TMEM132B: variants seen among roughly 807,000 people sequenced by gnomAD.
The protein encoded by TMEM132B is transmembrane protein 132B.
Under a neutral mutation model 90.8 loss-of-function variants are expected in TMEM132B, and 18 were observed. The observed-to-expected ratio is 0.20, with a 90% CI of 0.14 to 0.29. The LOEUF is 0.29. Among genes scored for constraint, TMEM132B ranks in the 10% least tolerant of loss-of-function variants. The pLI is 1.00. For missense variants in TMEM132B, 1,096 were observed against 1,326.8 expected, an observed-to-expected ratio of 0.83 and a Z score of 2.70; for synonymous variants, 504 against 523.3, an observed-to-expected ratio of 0.96 and a Z score of 0.50.
chr12:125,366,859 A>C (rs772171334), intron 2 of TMEM132B, among the ~76,000 whole-genome samples: 1 of 152,036 alleles, frequency 6.6e-6, no homozygotes, highest in African/African-American at 2.4e-5. Context: ...CATTTTCTTC[A>C]GTCTTTTTTC....
At position 125,636,616 on chromosome 12, in the gene TMEM132B, G is replaced by A. The variant is rs78213620; in HGVS notation, c.1438-7460G>A. Among the ~76,000 whole-genome samples, 792 of 152,216 alleles carry A rather than the reference G, an allele frequency of 5.2e-3. 6 individuals are homozygous for A. The highest frequency in any genetic ancestry group is 0.017 in the African/African-American group (709 of 41,532). ...AGCATGTATTCTCATCCCTCCCTCC[G>A]GGTAGAGCTTTCTGTTTCCTTCCCT... On this transcript the variant is annotated intron_variant, in intron 5 of 8. Transcript: ENST00000682704.
chr12:125,434,233 G>A (rs148507185), intron 3 of TMEM132B, among the ~76,000 whole-genome samples: 1 of 152,196 alleles, frequency 6.6e-6, no homozygotes, highest in Non-Finnish European at 1.5e-5. Flanking sequence ...CGACCCTGAC[G>A]CTCCTGTCCC....
In TMEM132B at chr12:125,213,782, C is replaced by T. The variant is rs1288654868; in HGVS notation, c.67+26916C>T. ...CATGACTACCTTGCTTATTCATCCA[C>T]CTGTACTCCTAGCATCAAGGGAGGT... On this transcript the variant is annotated intron_variant, in intron 1 of 8. Coordinates refer to ENST00000682704, the MANE Select transcript of TMEM132B (RefSeq NM_001366854.1). This position sits in a 1 kb window ranked among gnomAD's most constrained non-coding sequence, Gnocchi z 4.2. Among the ~76,000 whole-genome samples the T allele has an allele frequency of 6.6e-6, 1 of 152,242 alleles. No homozygotes were observed. Among genetic ancestry groups the T allele is most frequent in the Non-Finnish European group, 1.5e-5 (1 of 68,040 alleles).
intron 1 of TMEM132B, among the ~76,000 whole-genome samples, chr12:125,323,296 C>T (rs962096704): frequency 6.6e-5 from 10 of 152,044 alleles, no homozygotes; most frequent in South Asian, 4.1e-4. Context: ...ATTAGCCGGG[C>T]GTGGTGGCAG....
chr12:125,235,418 C>T (rs899439307), intron 1 of TMEM132B, among the ~76,000 whole-genome samples: 19 of 152,054 alleles, frequency 1.2e-4, no homozygotes, highest in Non-Finnish European at 5.9e-5. Context: ...CACCTGTGGG[C>T]CCATGGAGGC....
chr12:125,226,017 T>G (rs1006917336), intron 1 of TMEM132B, among the ~76,000 whole-genome samples: 13 of 152,264 alleles, frequency 8.5e-5, no homozygotes, highest in Non-Finnish European at 1.8e-4. Context: ...TTTTACCCTC[T>G]GATGGACATT....
At chr12:125,513,732 C>A (rs1246326093) in intron 3 of TMEM132B, among the ~76,000 whole-genome samples, 1 of 152,146 alleles carries the variant, frequency 6.6e-6, no homozygotes, top group Non-Finnish European at 1.5e-5. Context: ...CTCCAGAACG[C>A]CCTTCCACTG....
chr12:125,527,999 G>C (rs16919191), intron 4 of TMEM132B, among the ~76,000 whole-genome samples: 8,267 of 152,230 alleles, frequency 0.054, 657 homozygotes, highest in African/African-American at 0.17. Flanking sequence ...TTCAAAAACC[G>C]CTTCTTGAAA....
At chr12:125,252,012 G>T (rs1874327161) in intron 1 of TMEM132B, among the ~76,000 whole-genome samples, 1 of 152,170 alleles carries the variant, frequency 6.6e-6, no homozygotes, top group Non-Finnish European at 1.5e-5. Flanking sequence ...CCACCTAACT[G>T]GGGAGAGTTG....
rs111572867 is a variant in TMEM132B at position 125,411,436 on chromosome 12, C to A, written c.960-4095C>A. Among the ~76,000 whole-genome samples the A allele has an allele frequency of 1.8e-3, 273 of 151,818 alleles. 2 individuals carry two copies. The highest frequency in any genetic ancestry group is 5.5e-3 in the African/African-American group (228 of 41,330). ...GTAGATGACAGGTTGATGGGTGCAGCAAACCACCATGGCATGGGTATACCT... is the reference window on the plus strand; with the variant it reads ...GTAGATGACAGGTTGATGGGTGCAGAAAACCACCATGGCATGGGTATACCT... On this transcript the variant is annotated intron_variant, in intron 2 of 8. Transcript: ENST00000682704.
intron 3 of TMEM132B, among the ~76,000 whole-genome samples, chr12:125,494,449 C>T (rs1474659473): frequency 1.4e-5 from 2 of 143,188 alleles, no homozygotes; most frequent in Non-Finnish European, 3.1e-5. Context: ...GTCCCTCCTC[C>T]CCCTCCTCCC....
chr12:125,561,542 GC>G (rs1295448006), intron 4 of TMEM132B, among the ~76,000 whole-genome samples: 1 of 151,998 alleles, frequency 6.6e-6, no homozygotes, highest in Non-Finnish European at 1.5e-5. Context: ...AAAAAGAAAT[GC>G]ATTTTTTAAA....
chr12:125,243,062 T>C (rs1049644287), intron 1 of TMEM132B, among the ~76,000 whole-genome samples: 5 of 142,256 alleles, frequency 3.5e-5, no homozygotes, highest in Non-Finnish European at 6.1e-5. Context: ...CATACATATA[T>C]ACACACACAT....
intron 1 of TMEM132B, among the ~76,000 whole-genome samples, chr12:125,276,341 C>T (rs1431257915): frequency 6.6e-6 from 1 of 152,196 alleles, no homozygotes; most frequent in Admixed American, 6.5e-5. Context: ...CATTTTTCAG[C>T]CATTTAGATC....
intron 5 of TMEM132B, among the ~76,000 whole-genome samples, chr12:125,605,756 T>C (rs1593018065): frequency 3.9e-5 from 6 of 152,212 alleles, no homozygotes; most frequent in Admixed American, 3.9e-4. Flanking sequence ...ATTACAGATA[T>C]GGCAGCTGAG....
At chr12:125,234,765 A>C (rs1046409861) in intron 1 of TMEM132B, among the ~76,000 whole-genome samples, 5 of 152,182 alleles carry the variant, frequency 3.3e-5, no homozygotes, top group Admixed American at 1.3e-4. Flanking sequence ...ACCTAAAATG[A>C]TAACACCTCC....
intron 1 of TMEM132B, among the ~76,000 whole-genome samples, chr12:125,225,492 G>A (rs1873658323): frequency 1.3e-5 from 2 of 152,182 alleles, no homozygotes; most frequent in Admixed American, 1.3e-4. Flanking sequence ...GTTCATTTCT[G>A]GCTGTGCTAT....
In TMEM132B at chr12:125,519,526, G is replaced by C; in HGVS notation, c.1194G>C (p.Trp398Cys). ...TGGCTGGGGCCCAGCAGATTACCTG[G>C]CAGGTGGAGTACCCGATTGAGGACT... is the stretch of plus-strand genomic sequence containing the variant. ...SDLAGAQQIT[W>C]QVEYPIEDSM... The change falls in exon 4 of 9, where the codon TGG becomes TGC. Residue 398 changes from tryptophan (W) to cysteine (C), a missense_variant. Trp to Cys is a radical substitution (Grantham distance 215, BLOSUM62 -2). Transcript: ENST00000682704. 1 of 1,614,106 alleles carries C rather than the reference G, an allele frequency of 6.2e-7. No individual in the cohort carries two copies. Among genetic ancestry groups the C allele is most frequent in the South Asian group, 1.1e-5 (1 of 91,062 alleles).
At position 125,241,740 on chromosome 12, in the gene TMEM132B, AGT is replaced by A. The variant is rs1305743536; in HGVS notation, c.67+54875_67+54876del. Among the ~76,000 whole-genome samples, 3 of 152,240 alleles carry A rather than the reference AGT, an allele frequency of 2.0e-5. No homozygotes were observed. The East Asian group carries it at 5.8e-4, about 29-fold the overall frequency. On this transcript the variant is annotated intron_variant, in intron 1 of 8. Coordinates refer to ENST00000682704, the MANE Select transcript of TMEM132B (RefSeq NM_001366854.1). ...ACGTTTCTGCTGCTAGAAGCCGTCCAGTCCATGGCGATTTGTCATGGCACCCC... is the reference window on the plus strand; with the variant it reads ...ACGTTTCTGCTGCTAGAAGCCGTCCACCATGGCGATTTGTCATGGCACCCC...
Sources: allele counts gnomAD v4.1 joint callset (sites outside exome capture counted in the v4.1 genomes callset), GRCh38; gene constraint gnomAD v4.1.1; non-coding constraint Gnocchi (gnomAD v3.1); transcripts MANE v1.5; gene names NCBI Gene and HGNC (gene_info 2026-07-23, HGNC 2026-07-21).